Variants in KIAA1958 observed in about 807,000 individuals in gnomAD.
KIAA1958 encodes KIAA1958.
KIAA1958 carries 14 observed loss-of-function variants against 47.2 expected under a neutral mutation model. That is an observed-to-expected ratio of 0.30 (90% CI 0.20 to 0.46). KIAA1958 has a LOEUF of 0.46. Ranked by LOEUF, KIAA1958 falls within the 20% of genes least tolerant of loss-of-function variation. KIAA1958 has a pLI of 1.00. For synonymous variants in KIAA1958, 354 were observed against 353.3 expected, an observed-to-expected ratio of 1.00 and a Z score of -0.02; for missense variants, 803 against 909.2, an observed-to-expected ratio of 0.88 and a Z score of 1.50.
chr9:112,613,703 A>G (rs1338377809), intron 2 of KIAA1958, among the ~76,000 whole-genome samples: 1 of 152,202 alleles, frequency 6.6e-6, no homozygotes, highest in Non-Finnish European at 1.5e-5. Context: ...GGATATCCCA[A>G]TGAAAATTAA....
intron 1 of KIAA1958, among the ~76,000 whole-genome samples, chr9:112,571,533 A>G (rs1224648440): frequency 6.6e-6 from 1 of 152,168 alleles, no homozygotes; most frequent in Non-Finnish European, 1.5e-5. Flanking sequence ...TGGGAAAAAT[A>G]TTTTAGTGAG....
At position 112,666,739 on chromosome 9, in the gene KIAA1958, G is replaced by C. The variant is rs1263843915; in HGVS notation, c.*6670G>C. The C allele has an allele frequency of 6.6e-6, 1 of 152,148 alleles. No homozygotes were observed. The highest frequency in any genetic ancestry group is 1.5e-5 in the Non-Finnish European group (1 of 68,024). 9.4% of individuals were successfully genotyped at this position (152,148 alleles called of 1,614,324 possible). A position where few individuals can be genotyped will look rare whatever the true frequency, so the allele number is the denominator to read the frequency against. Reference sequence around the variant, plus strand: ...GCCCTGTGAAATTAAAAACATGAAAGCTATTTAGTACTTGTCCTCTTCCCC... The same window carrying C: ...GCCCTGTGAAATTAAAAACATGAAACCTATTTAGTACTTGTCCTCTTCCCC... On this transcript the variant is annotated 3_prime_UTR_variant, in exon 4 of 4. Transcript: ENST00000337530.
intron 3 of KIAA1958, among the ~76,000 whole-genome samples, chr9:112,657,982 A>G (rs1417657129): frequency 6.6e-6 from 1 of 151,628 alleles, no homozygotes; most frequent in East Asian, 1.9e-4. Context: ...TCAGTCTCCC[A>G]AGTAGCTGGG....
At chr9:112,540,686 C>G (rs1219833115) in intron 1 of KIAA1958, among the ~76,000 whole-genome samples, 1 of 151,116 alleles carries the variant, frequency 6.6e-6, no homozygotes, top group Admixed American at 6.6e-5. Flanking sequence ...AGTTAAATTT[C>G]TAGGCTGTTT....
intron 2 of KIAA1958, among the ~76,000 whole-genome samples, chr9:112,625,051 AGACT>A (rs1374676352): frequency 1.3e-5 from 2 of 152,192 alleles, no homozygotes; most frequent in African/African-American, 4.8e-5. Flanking sequence ...GAGACTCACT[AGACT>A]GACTGAGCTG....
chr9:112,594,494 G>A (rs1018040567), intron 2 of KIAA1958, among the ~76,000 whole-genome samples: 1 of 152,130 alleles, frequency 6.6e-6, no homozygotes, highest in Non-Finnish European at 1.5e-5. Flanking sequence ...TACAATAGGT[G>A]TACAATGTGG....
At chr9:112,622,990 TAA>T (rs1836537311) in intron 2 of KIAA1958, among the ~76,000 whole-genome samples, 1 of 152,242 alleles carries the variant, frequency 6.6e-6, no homozygotes, top group South Asian at 2.1e-4. Flanking sequence ...AACTCTATGC[TAA>T]TACTATTTTG....
rs35961310 is a variant in KIAA1958, at chr9:112,654,693, C to CA, written c.1345-4552dup. On this transcript the variant is annotated intron_variant, in intron 3 of 3. Coordinates refer to ENST00000337530, the MANE Select transcript of KIAA1958 (RefSeq NM_133465.4). ...AGTTGCAAGTGACAACATAAAAATC[C>CA]AAAAAAAAAAAAAAAAAATCCAAAG... 6.7e-3 allele frequency among the ~76,000 whole-genome samples: 744 copies of CA among 111,778 alleles called. 1 individual carries two copies. Among genetic ancestry groups the CA allele is most frequent in the East Asian group, 0.021 (92 of 4,428 alleles). The allele number at this position is 111,778 out of a possible 152,430, so 73.3% of individuals were successfully genotyped here. A position where few individuals can be genotyped will look rare whatever the true frequency, so the allele number is the denominator to read the frequency against.
Position 112,575,268 on chromosome 9 carries a change from G to A in KIAA1958, c.1171+17G>A, listed in dbSNP as rs1404811032. 2.7e-6 allele frequency: 4 copies of A among 1,477,938 alleles called. No individual in the cohort carries two copies. The highest frequency in any genetic ancestry group is 4.6e-5 in the East Asian group (2 of 43,832). The allele number at this position is 1,477,938 out of a possible 1,614,324, so 91.6% of individuals were successfully genotyped here. On this transcript the variant is annotated intron_variant, in intron 2 of 3. Coordinates refer to ENST00000337530, the MANE Select transcript of KIAA1958 (RefSeq NM_133465.4). ...GCATACCAGGTATGGCACATGAGGC[G>A]ACAGTGAGTCCCTCATCCACGCACG...
At chr9:112,597,199 CAG>C (rs1156474651) in intron 2 of KIAA1958, among the ~76,000 whole-genome samples, 1 of 152,198 alleles carries the variant, frequency 6.6e-6, no homozygotes, top group Non-Finnish European at 1.5e-5. Context: ...CTTCAGTCTG[CAG>C]AGTCATATGC....
In KIAA1958 at chr9:112,574,343, T is replaced by A; in HGVS notation, c.263T>A (p.Ile88Asn). 3 of 1,614,154 alleles carry A rather than the reference T, an allele frequency of 1.9e-6. No homozygotes were observed. The South Asian group carries it at 3.3e-5, about 18-fold the overall frequency. Residue 88 changes from isoleucine (I) to asparagine (N), a missense_variant, in exon 2 of 4, where the codon ATC becomes AAC. Transcript: ENST00000337530. ...TTTAACTCTGATAGTCCCAGTATAA[T>A]CGGGGTGCCCTCTGAGACACAGACT... ...RSFNSDSPSI[I>N]GVPSETQTSP...
At chr9:112,598,873 T>C (rs1836080404) in intron 2 of KIAA1958, among the ~76,000 whole-genome samples, 1 of 152,058 alleles carries the variant, frequency 6.6e-6, no homozygotes, top group South Asian at 2.1e-4. Flanking sequence ...TGCCAGGAGT[T>C]TGAGACCATC....
At chr9:112,629,395 A>G (rs775049444) in intron 2 of KIAA1958, among the ~76,000 whole-genome samples, 31 of 152,138 alleles carry the variant, frequency 2.0e-4, no homozygotes, top group African/African-American at 5.1e-4. Context: ...TGCCTGTTTC[A>G]CTCAAATCAT....
intron 1 of KIAA1958, among the ~76,000 whole-genome samples, chr9:112,504,015 T>G (rs899768652): frequency 6.6e-6 from 1 of 151,994 alleles, no homozygotes; most frequent in Non-Finnish European, 1.5e-5. Context: ...ATTTTGCATA[T>G]TTCTGTCTTT....
At chr9:112,516,073 ATGAT>A (rs1834428192) in intron 1 of KIAA1958, among the ~76,000 whole-genome samples, 1 of 152,196 alleles carries the variant, frequency 6.6e-6, no homozygotes, top group Non-Finnish European at 1.5e-5. Context: ...CACTGACAAA[ATGAT>A]TGTCTATGTA....
chr9:112,635,433 G>T (rs915322368), intron 2 of KIAA1958, among the ~76,000 whole-genome samples: 1 of 151,976 alleles, frequency 6.6e-6, no homozygotes, highest in African/African-American at 2.4e-5. Context: ...TGTAAGTTTT[G>T]TAGAGACAGA....
intron 2 of KIAA1958, among the ~76,000 whole-genome samples, chr9:112,620,056 A>T (rs1287476432): frequency 6.6e-6 from 1 of 152,208 alleles, no homozygotes; most frequent in Admixed American, 6.5e-5. Context: ...AAAATGTGCG[A>T]GATTTTTCTA....
At chr9:112,551,293 G>C (rs138295854) in intron 1 of KIAA1958, among the ~76,000 whole-genome samples, 7 of 152,098 alleles carry the variant, frequency 4.6e-5, no homozygotes, top group African/African-American at 1.7e-4. Flanking sequence ...ACCAGCTCCA[G>C]GTAACCACTG....
chr9:112,647,243 A>G (rs1836991353), intron 3 of KIAA1958, among the ~76,000 whole-genome samples: 1 of 152,188 alleles, frequency 6.6e-6, no homozygotes, highest in Non-Finnish European at 1.5e-5. Context: ...CTGAGAGCAT[A>G]TGTTGATAAC....
Sources: allele counts gnomAD v4.1 joint callset (sites outside exome capture counted in the v4.1 genomes callset), GRCh38; gene constraint gnomAD v4.1.1; transcripts MANE v1.5; gene names NCBI Gene and HGNC (gene_info 2026-07-23, HGNC 2026-07-21).